Variants in CIROZ observed in about 807,000 individuals in gnomAD.
CIROZ encodes the protein ciliated left-right organizer protein containing ZP-N domains, also known as ciliated left-right organizer ZP-N domains-containing protein.
At chr1:10,964,230 C>T in the CIROZ span, 1 of 1,614,168 alleles carries the variant, frequency 6.2e-7, no homozygotes, top group African/African-American at 1.3e-5. Context: ...ACCCCATCAC[C>T]CCTTTCTGAA....
chr1:10,964,910 C>T, the CIROZ span, among the ~76,000 whole-genome samples: 8,039 of 152,218 alleles, frequency 0.053, 332 homozygotes, highest in East Asian at 0.23. Context: ...GGATTACAGG[C>T]GTGAGCCACC....
At chr1:10,963,251 T>C in the CIROZ span, among the ~76,000 whole-genome samples, 439 of 152,146 alleles carry the variant, frequency 2.9e-3, 3 homozygotes, top group Non-Finnish European at 5.5e-3. Flanking sequence ...TAGCAGGGCA[T>C]GGTGGCACAC....
chr1:10,953,702 C>T, the CIROZ span, among the ~76,000 whole-genome samples: 1 of 152,158 alleles, frequency 6.6e-6, no homozygotes, highest in Non-Finnish European at 1.5e-5. Context: ...AAAACTGAGG[C>T]TCAACATGGT....
At chr1:10,979,769 C>T in the CIROZ span, among the ~76,000 whole-genome samples, 65 of 152,218 alleles carry the variant, frequency 4.3e-4, no homozygotes, top group African/African-American at 1.4e-3. Context: ...TACTATTGGA[C>T]GGGTGCAGTG....
At chr1:10,947,975 G>A in the CIROZ span, 195 of 1,613,650 alleles carry the variant, frequency 1.2e-4, 4 homozygotes, top group African/African-American at 1.7e-3. Flanking sequence ...ATGAGGCTTC[G>A]GGTGTCAGAA....
chr1:10,954,962 C>G, the CIROZ span: 11 of 1,574,134 alleles, frequency 7.0e-6, 1 homozygote, highest in East Asian at 2.5e-4. Flanking sequence ...AGAGAAGGGG[C>G]GAGACAGAGA....
chr1:10,959,194 A>G, the CIROZ span, among the ~76,000 whole-genome samples: 1 of 152,160 alleles, frequency 6.6e-6, no homozygotes, highest in Non-Finnish European at 1.5e-5. This position sits in a 1 kb window ranked among gnomAD's most constrained non-coding sequence, Gnocchi z 4.3. Flanking sequence ...ACGGTCCCAG[A>G]GAGTACACAT....
chr1:10,980,342 T>TTC, the CIROZ span, among the ~76,000 whole-genome samples: 2 of 152,350 alleles, frequency 1.3e-5, no homozygotes, highest in African/African-American at 4.8e-5. Flanking sequence ...CCCCGCTTCA[T>TTC]TCGCTGAATT....
chr1:10,960,077 A>C, the CIROZ span, among the ~76,000 whole-genome samples: 1 of 152,112 alleles, frequency 6.6e-6, no homozygotes, highest in African/African-American at 2.4e-5. The surrounding 1 kb of genome is among the most constrained non-coding windows in gnomAD (Gnocchi z 4.6). Flanking sequence ...AGAAGGAGGG[A>C]AGCAATTCTG....
chr1:10,962,001 C>G, the CIROZ span, among the ~76,000 whole-genome samples: 4 of 152,222 alleles, frequency 2.6e-5, no homozygotes, highest in Admixed American at 2.6e-4. Flanking sequence ...TCATCAGCAG[C>G]CTTTTCACTC....
the CIROZ span, chr1:10,954,218 G>T: frequency 6.9e-7 from 1 of 1,457,410 alleles, no homozygotes; most frequent in Non-Finnish European, 9.3e-7. Flanking sequence ...CACTTTGGGA[G>T]GCTGAGGCAG....
chr1:10,969,879 G>T, the CIROZ span: 2 of 1,426,956 alleles, frequency 1.4e-6, no homozygotes, highest in Non-Finnish European at 1.8e-6. Flanking sequence ...CCAGGAACCT[G>T]CAAGAGCCAT....
At chr1:10,974,069 A>G in the CIROZ span, among the ~76,000 whole-genome samples, 1 of 152,082 alleles carries the variant, frequency 6.6e-6, no homozygotes, top group African/African-American at 2.4e-5. The surrounding 1 kb of genome is among the most constrained non-coding windows in gnomAD (Gnocchi z 4.4). Flanking sequence ...CCTGTGAGCC[A>G]TGAATGGCAG....
At chr1:10,948,426 T>A in the CIROZ span, 26 of 1,613,020 alleles carry the variant, frequency 1.6e-5, no homozygotes, top group Non-Finnish European at 2.2e-5. Flanking sequence ...TGCAGCCACA[T>A]CCCCGCTTGA....
the CIROZ span, among the ~76,000 whole-genome samples, chr1:10,965,568 T>C: frequency 6.6e-6 from 1 of 151,766 alleles, no homozygotes; most frequent in African/African-American, 2.4e-5. Context: ...CTACAAAAAG[T>C]ACAAAAATTA....
At chr1:10,970,947 C>A in the CIROZ span, among the ~76,000 whole-genome samples, 1 of 148,808 alleles carries the variant, frequency 6.7e-6, no homozygotes, top group Non-Finnish European at 1.5e-5. Context: ...AAGTTCGAGA[C>A]CAGCCTGGGC....
At chr1:10,977,001 T>C in the CIROZ span, among the ~76,000 whole-genome samples, 1 of 150,360 alleles carries the variant, frequency 6.7e-6, no homozygotes, top group Non-Finnish European at 1.5e-5. Context: ...CTATTAAAAC[T>C]ATAAAACATT....
chr1:10,972,420 T>TACACACACACACAC, the CIROZ span, among the ~76,000 whole-genome samples: 70 of 131,802 alleles, frequency 5.3e-4, no homozygotes, highest in African/African-American at 1.5e-3. Context: ...GTCTCTGAAA[T>TACACACACACACAC]ACACACACAC....
the CIROZ span, among the ~76,000 whole-genome samples, chr1:10,955,424 C>G: frequency 6.6e-6 from 1 of 152,208 alleles, no homozygotes; most frequent in African/African-American, 2.4e-5. Flanking sequence ...GACCTTGCCA[C>G]TTGCAAAGGC....
Sources: gnomAD v4.1 joint callset for allele counts (sites outside exome capture counted in the v4.1 genomes callset) on GRCh38, gnomAD v4.1.1 for gene constraint, Gnocchi (gnomAD v3.1) non-coding constraint, MANE v1.5 for transcripts, NCBI Gene and HGNC (gene_info 2026-07-23, HGNC 2026-07-21) for gene names.